NCOA3: variants seen among roughly 807,000 people sequenced by gnomAD.
The protein encoded by NCOA3 is nuclear receptor coactivator 3.
Under a neutral mutation model 158.8 loss-of-function variants are expected in NCOA3, and 51 were observed. The ratio of observed to expected loss-of-function variants is 0.32; its 90% CI spans 0.26 to 0.41. The LOEUF is 0.41. Ranked by LOEUF, NCOA3 falls within the 10% of genes least tolerant of loss-of-function variation. The pLI is 1.00. For missense variants in NCOA3, 1,510 were observed against 1,746.6 expected, an observed-to-expected ratio of 0.86 and a Z score of 2.41; for synonymous variants, 537 against 592.4, an observed-to-expected ratio of 0.91 and a Z score of 1.36.
chr20:47,623,927 G>A lies in NCOA3; in HGVS notation c.100G>A (p.Glu34Lys). 3 of 1,613,218 alleles carry A rather than the reference G, an allele frequency of 1.9e-6. No homozygotes were observed. Among genetic ancestry groups the A allele is most frequent in the Non-Finnish European group, 2.5e-6 (3 of 1,179,848 alleles). Residue 34 changes from glutamate to lysine, a missense_variant, in exon 4 of 23, where the codon GAA (glutamate) becomes AAA (lysine). Physicochemically the swap from Glu to Lys is moderately conservative, Grantham distance 56. Coordinates refer to ENST00000371998, the MANE Select transcript of NCOA3 (RefSeq NM_181659.3). The part of the protein sequence containing the change: ...TPGQGLTCSG[E>K]KRRREQESKY... The stretch of plus-strand genomic sequence containing the variant: ...TTCCCTTAGTCTTACCTGCAGTGGT[G>A]AAAAACGGAGACGGGAGCAGGAAAG...
chr20:47,564,546 CT>C (rs11478554), intron 1 of NCOA3, among the ~76,000 whole-genome samples: 61,153 of 144,542 alleles, frequency 0.42, 12,978 homozygotes, highest in East Asian at 0.67. Context: ...TATTTCTCCT[CT>C]TTTTTTTTTT....
intron 8 of NCOA3, among the ~76,000 whole-genome samples, chr20:47,632,476 C>T (rs1046585250): frequency 3.3e-5 from 5 of 151,458 alleles, no homozygotes; most frequent in African/African-American, 1.2e-4. Context: ...TAACCTCTGC[C>T]TCCCGGGTTC....
intron 1 of NCOA3, among the ~76,000 whole-genome samples, chr20:47,577,994 C>G (rs542269808): frequency 1.6e-4 from 25 of 152,104 alleles, no homozygotes; most frequent in African/African-American, 6.0e-4. Flanking sequence ...TCCTTGTCCC[C>G]CACTCCCTTA....
intron 1 of NCOA3, among the ~76,000 whole-genome samples, chr20:47,522,730 G>C (rs1383197146): frequency 2.0e-5 from 3 of 152,072 alleles, no homozygotes; most frequent in Admixed American, 1.3e-4. Context: ...GATATGTGGG[G>C]GAGGCCATGT....
At chr20:47,525,594 C>T (rs1375024119) in intron 1 of NCOA3, among the ~76,000 whole-genome samples, 6 of 137,002 alleles carry the variant, frequency 4.4e-5, no homozygotes, top group South Asian at 2.4e-4. Flanking sequence ...CTGGACGGGG[C>T]GGCTGGCCGG....
chr20:47,629,966 G>A (rs1214935547), intron 8 of NCOA3, among the ~76,000 whole-genome samples: 1 of 152,174 alleles, frequency 6.6e-6, no homozygotes, highest in Non-Finnish European at 1.5e-5. Flanking sequence ...AAGCAAGAAA[G>A]ATCAAATGCT....
At chr20:47,559,656 G>A (rs1417470181) in intron 1 of NCOA3, among the ~76,000 whole-genome samples, 2 of 151,956 alleles carry the variant, frequency 1.3e-5, no homozygotes, top group African/African-American at 2.4e-5. Flanking sequence ...CGAGGTGGGC[G>A]GATCACTTGA....
chr20:47,600,161 T>C (rs892198028), intron 2 of NCOA3, among the ~76,000 whole-genome samples: 2 of 143,598 alleles, frequency 1.4e-5, no homozygotes, highest in African/African-American at 5.4e-5. Flanking sequence ...ATATATTTTA[T>C]ATATATATAT....
At chr20:47,633,211 T>C (rs1335907613) in intron 8 of NCOA3, among the ~76,000 whole-genome samples, 1 of 152,114 alleles carries the variant, frequency 6.6e-6, no homozygotes, top group Admixed American at 6.5e-5. Flanking sequence ...TGAAAATACT[T>C]TTATTACTCA....
At chr20:47,502,544 T>C (rs1054112294) in intron 1 of NCOA3, among the ~76,000 whole-genome samples, 2 of 151,902 alleles carry the variant, frequency 1.3e-5, no homozygotes, top group Admixed American at 6.6e-5. Flanking sequence ...TTAAAAAATA[T>C]TTTAACACGA....
intron 1 of NCOA3, among the ~76,000 whole-genome samples, chr20:47,506,884 G>T (rs1242903377): frequency 1.3e-5 from 2 of 151,954 alleles, no homozygotes; most frequent in East Asian, 1.9e-4. Flanking sequence ...AATTTCCTTG[G>T]TTAGAGGCTA....
intron 2 of NCOA3, among the ~76,000 whole-genome samples, chr20:47,588,618 T>G (rs1204112281): frequency 6.6e-6 from 1 of 152,224 alleles, no homozygotes; most frequent in Non-Finnish European, 1.5e-5. Flanking sequence ...CATACATTGC[T>G]TTTGTATCCC....
chr20:47,532,034 C>G (rs1054735190), intron 1 of NCOA3, among the ~76,000 whole-genome samples: 1 of 151,492 alleles, frequency 6.6e-6, no homozygotes, highest in African/African-American at 2.4e-5. Flanking sequence ...CATGTGTTGC[C>G]TATTCCTTAG....
rs118106808 is a variant in NCOA3 at position 47,536,159 on chromosome 20, C to T, written c.-99+34140C>T. Among the ~76,000 whole-genome samples the T allele has an allele frequency of 8.9e-3, 1,359 of 152,248 alleles. 6 individuals are homozygous for T. The highest frequency in any genetic ancestry group is 0.014 in the Non-Finnish European group (926 of 68,014). ...AGAAATGCTTGTTCTCACTTAGGTC[C>T]GTGAGCACAGGCCCGAGGGTGGAGC... On this transcript the variant is annotated intron_variant, in intron 1 of 22. Transcript: ENST00000371998.
rs566563880 is a variant in NCOA3, at chr20:47,526,150, A to T, written c.-99+24131A>T. On this transcript the variant is annotated intron_variant, in intron 1 of 22. Coordinates refer to ENST00000371998, the MANE Select transcript of NCOA3 (RefSeq NM_181659.3). ...GCGGCAGGGCAGAGGTGCTCCCCAC[A>T]TCTCAGACGATGGGCGGCCGGGCAG... Among the ~76,000 whole-genome samples, 57 of 148,586 alleles carry T rather than the reference A, an allele frequency of 3.8e-4. 1 individual carries two copies. In the South Asian group the frequency reaches 0.01, roughly 26 times the overall value.
chr20:47,638,504 A>G (rs2086552521), intron 13 of NCOA3, among the ~76,000 whole-genome samples: 1 of 152,242 alleles, frequency 6.6e-6, no homozygotes. Context: ...CAGTAGCATT[A>G]TTTCCTAAAC....
chr20:47,541,794 C>T (rs544165229), intron 1 of NCOA3, among the ~76,000 whole-genome samples: 2 of 152,102 alleles, frequency 1.3e-5, no homozygotes, highest in South Asian at 4.1e-4. Context: ...TACATTATTA[C>T]ATCTAGAAAA....
At chr20:47,508,343 A>G (rs2084061722) in intron 1 of NCOA3, among the ~76,000 whole-genome samples, 1 of 152,220 alleles carries the variant, frequency 6.6e-6, no homozygotes, top group South Asian at 2.1e-4. Context: ...TAGATGTTCC[A>G]TGAAGGAGGG....
intron 1 of NCOA3, among the ~76,000 whole-genome samples, chr20:47,558,693 T>A (rs1229407977): frequency 2.0e-5 from 3 of 152,158 alleles, no homozygotes; most frequent in Admixed American, 6.5e-5. Flanking sequence ...TTCCTCATTG[T>A]TTGGCATTGG....
Sources: gnomAD v4.1 joint callset for allele counts (sites outside exome capture counted in the v4.1 genomes callset) on GRCh38, gnomAD v4.1.1 for gene constraint, MANE v1.5 for transcripts, NCBI Gene and HGNC (gene_info 2026-07-23, HGNC 2026-07-21) for gene names.